RBFOX1: variants seen among roughly 807,000 people sequenced by gnomAD.
The protein encoded by RBFOX1 is RNA binding protein fox-1 homolog 1.
Under a neutral mutation model 57.7 loss-of-function variants are expected in RBFOX1, and 8 were observed. The observed-to-expected ratio is 0.14, with a 90% CI of 0.08 to 0.25. The LOEUF (loss-of-function observed/expected upper bound fraction) is 0.25, where lower values mean the gene tolerates loss of function less well. Ranked by LOEUF, RBFOX1 falls within the 10% of genes least tolerant of loss-of-function variation. The probability of loss-of-function intolerance (pLI) is 1.00; values close to 1 mark genes in which losing one functional copy is unlikely to be tolerated. For missense variants in RBFOX1, 611 were observed against 548.5 expected (o/e 1.11, Z -1.14); for synonymous variants, 326 against 222.4 (o/e 1.47, Z -4.15).
intron 4 of RBFOX1, among the ~76,000 whole-genome samples, chr16:7,207,125 C>A (rs1012837930): frequency 1.3e-5 from 2 of 152,222 alleles, no homozygotes; most frequent in African/African-American, 2.4e-5. Context: ...CATCCATCTT[C>A]ATGGCATTTC....
chr16:7,437,258 C>CCA (rs80295604), intron 4 of RBFOX1, among the ~76,000 whole-genome samples: 1 of 150,684 alleles, frequency 6.6e-6, no homozygotes, highest in Admixed American at 6.6e-5. Flanking sequence ...TTGCCCCCCC[C>CCA]CCCTTTCTGT....
At chr16:6,877,758 T>C (rs8063801) in intron 3 of RBFOX1, among the ~76,000 whole-genome samples, 37,589 of 152,012 alleles carry the variant, frequency 0.25, 4,802 homozygotes, top group African/African-American at 0.31. Context: ...GTAGGACTTT[T>C]AAATTGTATA....
chr16:5,989,807 C>G (rs2060355739), intron 4 of RBFOX1, among the ~76,000 whole-genome samples: 1 of 146,220 alleles, frequency 6.8e-6, no homozygotes, highest in Non-Finnish European at 1.5e-5. Context: ...ACCCACCGAA[C>G]TCTTTATAAG....
At position 5,968,954 on chromosome 16, in the gene RBFOX1, T is replaced by C. The variant is rs2059906086; in HGVS notation, c.351+101619T>C. On this transcript the variant is annotated intron_variant, in intron 4 of 19. Coordinates refer to the RBFOX1 transcript ENST00000641259. ...ATTCACCTTTGCTGAGAGGACTATT[T>C]ATATTTTCTCCCTTTTCTCTTTTAG... Among the ~76,000 whole-genome samples, 3 of 152,144 alleles carry C rather than the reference T, an allele frequency of 2.0e-5. No homozygotes were observed. In the South Asian group the frequency reaches 6.2e-4, roughly 31 times the overall value.
At chr16:6,430,259 C>G (rs1045596901) in intron 2 of RBFOX1, among the ~76,000 whole-genome samples, 4 of 152,052 alleles carry the variant, frequency 2.6e-5, no homozygotes, top group African/African-American at 9.7e-5. Context: ...GTGCTGGGCA[C>G]CAGGGAATAT....
At chr16:7,678,550 GTATAAT>G (rs1444943197) in intron 14 of RBFOX1, among the ~76,000 whole-genome samples, 1 of 151,960 alleles carries the variant, frequency 6.6e-6, no homozygotes, top group Non-Finnish European at 1.5e-5. Context: ...CTAGCCTGCT[GTATAAT>G]TATAAGAATC....
At chr16:6,895,215 C>G (rs916809231) in intron 3 of RBFOX1, among the ~76,000 whole-genome samples, 12 of 151,734 alleles carry the variant, frequency 7.9e-5, no homozygotes, top group African/African-American at 2.4e-4. Flanking sequence ...AAGAACAAGT[C>G]CAAACCTCAG....
At chr16:6,790,338 C>G (rs922663829) in intron 3 of RBFOX1, among the ~76,000 whole-genome samples, 3 of 151,974 alleles carry the variant, frequency 2.0e-5, no homozygotes, top group African/African-American at 7.2e-5. Flanking sequence ...GCACCCGCCA[C>G]CATGCCTGGC....
intron 4 of RBFOX1, among the ~76,000 whole-genome samples, chr16:7,452,298 A>G (rs1189798348): frequency 6.6e-6 from 1 of 152,196 alleles, no homozygotes; most frequent in East Asian, 1.9e-4. Context: ...TCCATGAAAA[A>G]TACATCATTG....
chr16:7,034,848 C>CTTTTT lies in RBFOX1; in HGVS notation c.-15-17195_-15-17191dup, dbSNP rs58405378. ...ATTACTTTTTTTTTTTTTCTTTTTT[C>CTTTTT]TTTTTTTTTTTTTTTTTTGAGATGG... On this transcript the variant is annotated intron_variant, in intron 3 of 15. Transcript: ENST00000550418. 1.4e-3 allele frequency among the ~76,000 whole-genome samples: 42 copies of CTTTTT among 30,842 alleles called. 9 individuals carry two copies. In the East Asian group the frequency reaches 0.028, roughly 21 times the overall value. The allele number at this position is 30,842 out of a possible 152,430, so 20.2% of individuals were successfully genotyped here.
intron 2 of RBFOX1, among the ~76,000 whole-genome samples, chr16:5,578,652 G>C (rs905366645): frequency 6.6e-6 from 1 of 152,140 alleles, no homozygotes; most frequent in African/African-American, 2.4e-5. Flanking sequence ...ACAGCTGTTA[G>C]ATCTAAGGCC....
At chr16:7,666,555 G>C (rs1292790481) in intron 13 of RBFOX1, among the ~76,000 whole-genome samples, 1 of 152,140 alleles carries the variant, frequency 6.6e-6, no homozygotes, top group Non-Finnish European at 1.5e-5. Flanking sequence ...CTTGGCCTCA[G>C]ATTCTTGAGT....
intron 1 of RBFOX1, among the ~76,000 whole-genome samples, chr16:6,308,397 T>G (rs571824642): frequency 6.6e-6 from 1 of 152,248 alleles, no homozygotes; most frequent in Non-Finnish European, 1.5e-5. Context: ...CTTTGTGGCA[T>G]GAAAGCAATC....
intron 3 of RBFOX1, among the ~76,000 whole-genome samples, chr16:5,612,486 A>G (rs2047860680): frequency 1.3e-5 from 2 of 152,206 alleles, no homozygotes; most frequent in African/African-American, 4.8e-5. Context: ...ATACTCATAC[A>G]AAAGTATATC....
chr16:6,874,001 T>A (rs908244062), intron 3 of RBFOX1: 2 of 152,186 alleles, frequency 1.3e-5, no homozygotes, highest in African/African-American at 4.8e-5. Context: ...GCGTTTCATA[T>A]TTTTAGTAAA....
intron 4 of RBFOX1, among the ~76,000 whole-genome samples, chr16:5,973,671 A>T (rs1459754191): frequency 6.6e-6 from 1 of 152,218 alleles, no homozygotes; most frequent in Non-Finnish European, 1.5e-5. Context: ...TTTGGATGAG[A>T]TTCACATTTA....
At chr16:6,252,920 T>C (rs1482001517) in intron 1 of RBFOX1, among the ~76,000 whole-genome samples, 1 of 152,136 alleles carries the variant, frequency 6.6e-6, no homozygotes, top group Non-Finnish European at 1.5e-5. Context: ...CAACAATGTA[T>C]TGTGTGCTTA....
chr16:7,236,522 C>G (rs920085959), intron 4 of RBFOX1, among the ~76,000 whole-genome samples: 4 of 152,104 alleles, frequency 2.6e-5, no homozygotes, highest in South Asian at 2.1e-4. Context: ...TAGGATTCTA[C>G]TTTTGGCATT....
At chr16:6,911,410 C>A (rs1462998536) in intron 3 of RBFOX1, among the ~76,000 whole-genome samples, 1 of 152,136 alleles carries the variant, frequency 6.6e-6, no homozygotes, top group South Asian at 2.1e-4. Context: ...TTCCATGCCC[C>A]TCCCTGTGGT....
Sources: allele counts gnomAD v4.1 joint callset (sites outside exome capture counted in the v4.1 genomes callset), GRCh38; gene constraint gnomAD v4.1.1; transcripts MANE v1.5; gene names NCBI Gene and HGNC (gene_info 2026-07-23, HGNC 2026-07-21).